Variants in CDC73 observed in about 807,000 individuals in gnomAD.
CDC73 encodes the protein parafibromin.
CDC73 carries 21 observed loss-of-function variants against 83.7 expected under a neutral mutation model. That is an observed-to-expected ratio of 0.25 (90% confidence interval 0.18 to 0.36). CDC73 has a LOEUF of 0.36. CDC73 is among the 10% of genes least tolerant of loss of function. The pLI, the probability that CDC73 is intolerant of heterozygous loss-of-function variation, is 1.00. For synonymous variants in CDC73, 224 were observed against 212.9 expected (o/e 1.05, Z -0.45); for missense variants, 342 against 653.3 (o/e 0.52, Z 5.19).
chr1:193,149,484 C>A (rs146936502), intron 8 of CDC73, among the ~76,000 whole-genome samples: 31 of 152,030 alleles, frequency 2.0e-4, no homozygotes, highest in African/African-American at 7.2e-4. Flanking sequence ...GGAAACATGT[C>A]AAACCTTAAA....
chr1:193,233,222 C>G (rs148381747), intron 14 of CDC73, 68 bp downstream of exon 14: 1 of 1,408,796 alleles, frequency 7.1e-7, no homozygotes, highest in Admixed American at 1.7e-5. Context: ...GTTGTTATTG[C>G]CGTTGATGAC....
intron 10 of CDC73, among the ~76,000 whole-genome samples, chr1:193,188,011 T>A (rs1676849629): frequency 6.6e-6 from 1 of 152,204 alleles, no homozygotes. Context: ...AACAGAGTAA[T>A]GCTTAAGAAC....
chr1:193,246,305 C>T (rs970382475), intron 15 of CDC73, among the ~76,000 whole-genome samples: 1 of 151,990 alleles, frequency 6.6e-6, no homozygotes. Context: ...AGGTAGGAAT[C>T]TAGTTTCATT....
intron 10 of CDC73, among the ~76,000 whole-genome samples, chr1:193,178,598 G>A (rs1676652801): frequency 6.6e-6 from 1 of 152,130 alleles, no homozygotes; most frequent in South Asian, 2.1e-4. Flanking sequence ...CAAACATGCT[G>A]ATCTGATTTG....
chr1:193,238,419 T>C (rs1244963030), intron 15 of CDC73, among the ~76,000 whole-genome samples: 1 of 152,238 alleles, frequency 6.6e-6, no homozygotes, highest in Non-Finnish European at 1.5e-5. Context: ...AAAGCTGTTT[T>C]CACTGAAGTC....
intron 15 of CDC73, among the ~76,000 whole-genome samples, chr1:193,249,331 CTG>C (rs967207577): frequency 3.3e-5 from 5 of 152,032 alleles, no homozygotes; most frequent in African/African-American, 1.2e-4. Context: ...GTAATATAGA[CTG>C]TGATACAGTG....
chr1:193,178,821 A>T (rs1382510034), intron 10 of CDC73, among the ~76,000 whole-genome samples: 4 of 152,214 alleles, frequency 2.6e-5, no homozygotes. Flanking sequence ...CAAGTTTCAC[A>T]AATGTTACAA....
At chr1:193,154,166 G>A (rs1225771482) in intron 10 of CDC73, among the ~76,000 whole-genome samples, 3 of 152,158 alleles carry the variant, frequency 2.0e-5, no homozygotes, top group African/African-American at 4.8e-5. Context: ...GAACTTGCCC[G>A]CTGATCATTC....
In CDC73 at chr1:193,251,619, C is replaced by T. The variant is rs920890936; in HGVS notation, c.*907C>T. On this transcript the variant is annotated 3_prime_UTR_variant, in exon 17 of 17. Transcript: ENST00000367435. Reference sequence around the variant, plus strand: ...TTGGAGTTCTTATCTTCCATTATCCCTAAATATTGATAAACTCCCAGGCAC... The same window carrying T: ...TTGGAGTTCTTATCTTCCATTATCCTTAAATATTGATAAACTCCCAGGCAC... 3 of 231,910 alleles carry T rather than the reference C, an allele frequency of 1.3e-5. No individual in the cohort carries two copies. The highest frequency in any genetic ancestry group is 1.1e-4 in the Admixed American group (2 of 17,660). The allele number at this position is 231,910 out of a possible 1,614,324, so 14.4% of individuals were successfully genotyped here.
chr1:193,180,109 AC>A (rs1182079719), intron 10 of CDC73: 1 of 499,952 alleles, frequency 2.0e-6, no homozygotes, highest in Non-Finnish European at 3.3e-6. Flanking sequence ...GTTTTGGGAA[AC>A]CTTTTTTGTT....
chr1:193,177,358 CA>C (rs10672869), intron 10 of CDC73, among the ~76,000 whole-genome samples: 4,233 of 69,434 alleles, frequency 0.061, 86 homozygotes, highest in Middle Eastern at 0.092. Context: ...ACTAAAAATA[CA>C]AAAAAAAAAA....
In CDC73 at chr1:193,254,219, G is replaced by T. The variant is rs151216299; in HGVS notation, c.*3507G>T. On this transcript the variant is annotated 3_prime_UTR_variant, in exon 17 of 17. Transcript: ENST00000367435. ...TTCTTAATAAAGAAATTATTGGTTT[G>T]TCTGGTTAAAGTCCATATAGAATGC... 0.012 allele frequency among the ~76,000 whole-genome samples: 1,839 copies of T among 151,828 alleles called. 17 individuals are homozygous for T. Among genetic ancestry groups the T allele is most frequent in the South Asian group, 0.034 (164 of 4,806 alleles).
At chr1:193,128,476 T>C (rs149011729) in intron 2 of CDC73, among the ~76,000 whole-genome samples, 1 of 151,854 alleles carries the variant, frequency 6.6e-6, no homozygotes, top group Non-Finnish European at 1.5e-5. Flanking sequence ...TGGCTAACTT[T>C]TATATTTTTG....
chr1:193,238,233 G>T (rs934296496), intron 15 of CDC73, among the ~76,000 whole-genome samples: 2 of 151,830 alleles, frequency 1.3e-5, no homozygotes, highest in Admixed American at 1.3e-4. Context: ...TTTTCTCAGC[G>T]TTTAAGAATA....
chr1:193,231,493 A>G (rs543849155), intron 13 of CDC73, among the ~76,000 whole-genome samples: 41 of 152,190 alleles, frequency 2.7e-4, no homozygotes, highest in Non-Finnish European at 8.8e-5. Context: ...GCAATTTCAA[A>G]CAATGCACAC....
intron 10 of CDC73, among the ~76,000 whole-genome samples, chr1:193,175,067 G>A (rs1455117276): frequency 1.3e-5 from 2 of 152,130 alleles, no homozygotes. Flanking sequence ...CAAAAGATTG[G>A]GTAGAGGGAT....
intron 10 of CDC73, among the ~76,000 whole-genome samples, chr1:193,186,838 GCTTA>G (rs1006633164): frequency 7.2e-5 from 11 of 152,038 alleles, no homozygotes; most frequent in African/African-American, 1.9e-4. Context: ...ATTTTTTCCA[GCTTA>G]CTTCCTTTTT....
intron 3 of CDC73, 26 bp downstream of exon 3, chr1:193,130,269 G>A (rs2103118023): frequency 7.7e-7 from 1 of 1,290,430 alleles, no homozygotes; most frequent in Non-Finnish European, 1.1e-6. Flanking sequence ...ATTGTTCCCA[G>A]TCTTAAACAG....
At chr1:193,184,252 T>G (rs890636329) in intron 10 of CDC73, among the ~76,000 whole-genome samples, 1 of 151,916 alleles carries the variant, frequency 6.6e-6, no homozygotes, top group East Asian at 1.9e-4. Context: ...AAATTCCTTA[T>G]TAAAAGATTC....
Sources: gnomAD v4.1 joint callset for allele counts (sites outside exome capture counted in the v4.1 genomes callset) on GRCh38, gnomAD v4.1.1 for gene constraint, MANE v1.5 for transcripts, NCBI Gene and HGNC (gene_info 2026-07-23, HGNC 2026-07-21) for gene names.